The following NAV2 variants were observed in gnomAD, a reference collection of about 807,000 sequenced individuals.
NAV2 encodes the protein neuron navigator 2.
In NAV2, 54 loss-of-function variants were observed where a neutral mutation model predicts 223.2. That is an observed-to-expected ratio of 0.24 (90% CI 0.19 to 0.30). The LOEUF is 0.30. Ranked by LOEUF, NAV2 falls within the 10% of genes least tolerant of loss-of-function variation. The pLI is 1.00. For synonymous variants in NAV2, 1,279 were observed against 1,239.3 expected (o/e 1.03, Z -0.67); for missense variants, 2,806 against 3,147.5 (o/e 0.89, Z 2.60).
intron 1 of NAV2, among the ~76,000 whole-genome samples, chr11:19,800,678 T>TGTGC (rs1036233410): frequency 7.0e-6 from 1 of 143,542 alleles, no homozygotes; most frequent in African/African-American, 2.8e-5. Flanking sequence ...AATGGGTGTG[T>TGTGC]GTGTGTGTGT....
intron 1 of NAV2, among the ~76,000 whole-genome samples, chr11:19,557,251 TAA>T (rs1214527403): frequency 6.6e-6 from 1 of 152,200 alleles, no homozygotes; most frequent in African/African-American, 2.4e-5. Flanking sequence ...CAGCGGAGGT[TAA>T]GAGACTTGTC....
intron 1 of NAV2, among the ~76,000 whole-genome samples, chr11:19,453,584 T>C (rs890374401): frequency 2.6e-5 from 4 of 152,188 alleles, no homozygotes; most frequent in Admixed American, 6.5e-5. Context: ...GCCTGAAATG[T>C]ATGTCATCTA....
chr11:20,069,121 AT>A (rs1394842150), intron 22 of NAV2, among the ~76,000 whole-genome samples: 1 of 152,090 alleles, frequency 6.6e-6, no homozygotes, highest in Non-Finnish European at 1.5e-5. Context: ...TAAGAAAAAA[AT>A]TTTTTAAAAG....
At chr11:19,418,888 A>G (rs1259234126) in intron 1 of NAV2, among the ~76,000 whole-genome samples, 1 of 152,160 alleles carries the variant, frequency 6.6e-6, no homozygotes, top group East Asian at 1.9e-4. Context: ...TGATGGGCTC[A>G]TCTCTGGTAG....
Position 20,090,986 on chromosome 11 carries a change from G to T in NAV2, c.5620G>T (p.Asp1874Tyr), listed in dbSNP as rs2060803127. ...LEALSSAHQL[D>Y]QLREAMNRMQ... ...AGCTCTCAGTTCTGCCCACCAGCTGGACCAGCTCCGGGAGGCCATGAACAG... is the reference window on the plus strand; with the variant it reads ...AGCTCTCAGTTCTGCCCACCAGCTGTACCAGCTCCGGGAGGCCATGAACAG... The change falls in exon 27 of 38, where the codon GAC becomes TAC. Residue 1874 changes from aspartate (D) to tyrosine (Y), a missense_variant. By Grantham distance (160) the Asp-to-Tyr change is radical. Coordinates refer to ENST00000349880, the MANE Select transcript of NAV2 (RefSeq NM_145117.5). 2 of 1,613,646 alleles carry T rather than the reference G, an allele frequency of 1.2e-6. No individual in the cohort carries two copies. Among genetic ancestry groups the T allele is most frequent in the African/African-American group, 2.7e-5 (2 of 74,934 alleles).
intron 1 of NAV2, among the ~76,000 whole-genome samples, chr11:19,368,985 G>T (rs78526109): frequency 0.016 from 2,363 of 152,250 alleles, 58 homozygotes; most frequent in African/African-American, 0.054. Context: ...TCCAAGTTTG[G>T]TCTTCTTTGA....
intron 10 of NAV2, among the ~76,000 whole-genome samples, chr11:19,970,314 A>G (rs11025349): frequency 0.74 from 113,126 of 152,108 alleles, 42,466 homozygotes; most frequent in Middle Eastern, 0.81. Flanking sequence ...GATTACAGGC[A>G]TGCGCCACCA....
chr11:20,037,628 A>C (rs1158692575), intron 12 of NAV2, among the ~76,000 whole-genome samples: 2 of 152,224 alleles, frequency 1.3e-5, no homozygotes, highest in Non-Finnish European at 2.9e-5. Context: ...CTGTATGTTA[A>C]TCTGAGCAGT....
intron 11 of NAV2, 86 bp from the exon 12 acceptor site, chr11:20,035,873 G>T (rs1359473711): frequency 7.9e-6 from 12 of 1,515,566 alleles, no homozygotes; most frequent in Non-Finnish European, 1.1e-5. Context: ...GATCTTTTCG[G>T]GGATGGTGTT....
chr11:19,418,666 A>G (rs1209726465), intron 1 of NAV2, among the ~76,000 whole-genome samples: 1 of 152,112 alleles, frequency 6.6e-6, no homozygotes, highest in Non-Finnish European at 1.5e-5. Context: ...ATGGATTGAG[A>G]CGGGGTTGGA....
intron 1 of NAV2, among the ~76,000 whole-genome samples, chr11:19,381,900 A>G (rs1848850750): frequency 6.6e-6 from 1 of 152,158 alleles, no homozygotes; most frequent in Admixed American, 6.5e-5. Flanking sequence ...TGAGGACAAG[A>G]GGGGCTGTGA....
At chr11:20,034,556 A>G (rs7131400) in intron 11 of NAV2, among the ~76,000 whole-genome samples, 21,506 of 151,662 alleles carry the variant, frequency 0.14, 2,090 homozygotes, top group African/African-American at 0.28. Context: ...ATTTTTGTGT[A>G]CTTTTAGTAG....
intron 6 of NAV2, among the ~76,000 whole-genome samples, chr11:19,908,592 A>G (rs1265347078): frequency 6.6e-6 from 1 of 152,240 alleles, no homozygotes; most frequent in African/African-American, 2.4e-5. Context: ...AGCAATTGAC[A>G]TGTGGTTAGT....
At chr11:19,814,330 C>A (rs2058982339) in intron 1 of NAV2, among the ~76,000 whole-genome samples, 1 of 152,100 alleles carries the variant, frequency 6.6e-6, no homozygotes, top group African/African-American at 2.4e-5. Flanking sequence ...AAACTGGAAG[C>A]AATTTCCTGT....
intron 1 of NAV2, among the ~76,000 whole-genome samples, chr11:19,762,251 C>CA (rs1275773229): frequency 1.3e-5 from 2 of 152,108 alleles, no homozygotes; most frequent in Non-Finnish European, 2.9e-5. Context: ...TCAAAACAAA[C>CA]AAACAAAACA....
At chr11:20,002,800 CT>C (rs1355030468) in intron 11 of NAV2, among the ~76,000 whole-genome samples, 1 of 152,192 alleles carries the variant, frequency 6.6e-6, no homozygotes. Context: ...CCCAGCGCCC[CT>C]GGAACTGTCT....
chr11:20,064,975 G>A (rs1299967554), intron 20 of NAV2, among the ~76,000 whole-genome samples: 2 of 152,000 alleles, frequency 1.3e-5, no homozygotes, highest in African/African-American at 4.8e-5. Context: ...GGAGTCAAAG[G>A]CTCCCATTTA....
intron 1 of NAV2, among the ~76,000 whole-genome samples, chr11:19,821,847 C>T (rs947113839): frequency 6.6e-5 from 10 of 152,144 alleles, no homozygotes; most frequent in African/African-American, 1.9e-4. Context: ...CTGCTTTTTC[C>T]GCACTGCTGT....
intron 4 of NAV2, among the ~76,000 whole-genome samples, chr11:19,871,170 G>T (rs1326466445): frequency 6.6e-6 from 1 of 152,140 alleles, no homozygotes; most frequent in Non-Finnish European, 1.5e-5. Flanking sequence ...CATCCTTCCT[G>T]CTGGGTCAAG....
Sources: allele counts gnomAD v4.1 joint callset (sites outside exome capture counted in the v4.1 genomes callset), GRCh38; gene constraint gnomAD v4.1.1; transcripts MANE v1.5; gene names NCBI Gene and HGNC (gene_info 2026-07-23, HGNC 2026-07-21).